Variants in XKR4 observed in about 807,000 individuals in gnomAD.
The protein encoded by XKR4 is XK related 4.
A neutral mutation model predicts 53.9 loss-of-function variants in XKR4; 12 were observed. That is an observed-to-expected ratio of 0.22 (90% CI 0.14 to 0.36). The LOEUF is 0.36. XKR4 is among the 10% of genes least tolerant of loss of function. XKR4 has a pLI of 1.00. For synonymous variants in XKR4, 354 were observed against 362.4 expected, an observed-to-expected ratio of 0.98 and a Z score of 0.26; for missense variants, 799 against 859.5, an observed-to-expected ratio of 0.93 and a Z score of 0.88.
At chr8:55,460,362 G>A (rs561933906) in intron 2 of XKR4, among the ~76,000 whole-genome samples, 2 of 152,282 alleles carry the variant, frequency 1.3e-5, no homozygotes, top group South Asian at 4.1e-4. Flanking sequence ...TTGTGCCACT[G>A]AATAAATTTG....
At position 55,209,898 on chromosome 8, in the gene XKR4, C is replaced by T. The variant is rs905319996; in HGVS notation, c.806+106604C>T. Reference sequence around the variant, plus strand: ...TCTGATTTTGAACGTATATTTTTTCCTCTAGACATGAGTCCAAGTATTTGG... The same window carrying T: ...TCTGATTTTGAACGTATATTTTTTCTTCTAGACATGAGTCCAAGTATTTGG... On this transcript the variant is annotated intron_variant, in intron 1 of 2. Coordinates refer to ENST00000327381, the MANE Select transcript of XKR4 (RefSeq NM_052898.2). 4.6e-5 allele frequency among the ~76,000 whole-genome samples: 7 copies of T among 152,112 alleles called. No individual in the cohort carries two copies. The South Asian group carries it at 6.2e-4, about 14-fold the overall frequency.
At chr8:55,475,759 C>T (rs974639437) in intron 2 of XKR4, among the ~76,000 whole-genome samples, 1 of 151,898 alleles carries the variant, frequency 6.6e-6, no homozygotes, top group Non-Finnish European at 1.5e-5. Flanking sequence ...CACACCACCA[C>T]GCCCAGCTAA....
At chr8:55,460,504 G>C (rs973847974) in intron 2 of XKR4, among the ~76,000 whole-genome samples, 1 of 152,212 alleles carries the variant, frequency 6.6e-6, no homozygotes, top group Non-Finnish European at 1.5e-5. Flanking sequence ...GGAGGGTGGA[G>C]CCAAGATGGC....
chr8:55,501,423 T>G (rs1443078125), intron 2 of XKR4, among the ~76,000 whole-genome samples: 2 of 152,182 alleles, frequency 1.3e-5, no homozygotes, highest in Admixed American at 1.3e-4. Context: ...CTTCCCAAAC[T>G]GAAATTCTGT....
At chr8:55,424,946 A>C (rs1241336807) in intron 2 of XKR4, among the ~76,000 whole-genome samples, 2 of 152,242 alleles carry the variant, frequency 1.3e-5, no homozygotes, top group Admixed American at 6.5e-5. Flanking sequence ...GGTTTAAAAA[A>C]ATGGCATACT....
rs74531702 is a variant in XKR4 at position 55,224,363 on chromosome 8, C to A, written c.806+121069C>A. Among the ~76,000 whole-genome samples the A allele has an allele frequency of 7.9e-3, 1,198 of 152,214 alleles. 36 individuals carry two copies. The highest frequency in any genetic ancestry group is 0.042 in the East Asian group (215 of 5,180). ...GTGTCTTGAAAGGAAGTTTACCTTT[C>A]ATTGAAGCAATTTTAGAATTTGCAA... On this transcript the variant is annotated intron_variant, in intron 1 of 2. Transcript: ENST00000327381.
At chr8:55,153,091 C>A (rs1837511495) in intron 1 of XKR4, among the ~76,000 whole-genome samples, 1 of 152,142 alleles carries the variant, frequency 6.6e-6, no homozygotes, top group Non-Finnish European at 1.5e-5. Context: ...CTGGGTTGAC[C>A]TTAGTGTGCT....
At chr8:55,184,802 G>C (rs1002368818) in intron 1 of XKR4, among the ~76,000 whole-genome samples, 49 of 152,038 alleles carry the variant, frequency 3.2e-4, no homozygotes, top group African/African-American at 1.2e-3. Flanking sequence ...CAGGATGTCT[G>C]TTGTGTTTAG....
intron 2 of XKR4, among the ~76,000 whole-genome samples, chr8:55,480,752 C>A (rs1416167116): frequency 7.9e-6 from 1 of 127,240 alleles, no homozygotes; most frequent in East Asian, 2.0e-4. Flanking sequence ...TTCTTATACA[C>A]CAAAAACAGA....
At chr8:55,409,851 T>G (rs1804749439) in intron 2 of XKR4, among the ~76,000 whole-genome samples, 1 of 152,240 alleles carries the variant, frequency 6.6e-6, no homozygotes, top group Admixed American at 6.5e-5. Context: ...AAGGAAATTC[T>G]GATTGCTGAG....
intron 1 of XKR4, among the ~76,000 whole-genome samples, chr8:55,294,595 G>A (rs1162325125): frequency 1.3e-5 from 2 of 152,180 alleles, no homozygotes; most frequent in Admixed American, 6.5e-5. Context: ...ATCAAGAGGG[G>A]CAATTAACTG....
chr8:55,196,388 G>A (rs781005840), intron 1 of XKR4, among the ~76,000 whole-genome samples: 5 of 151,978 alleles, frequency 3.3e-5, no homozygotes, highest in African/African-American at 7.2e-5. Flanking sequence ...TCTCCATGTC[G>A]GTCAGGCTGG....
intron 1 of XKR4, among the ~76,000 whole-genome samples, chr8:55,176,574 G>A (rs1459799577): frequency 1.5e-4 from 23 of 152,144 alleles, no homozygotes; most frequent in Non-Finnish European, 3.2e-4. Context: ...ATTTATAGTA[G>A]GCACCAGACA....
chr8:55,349,409 A>G (rs1397354002), intron 1 of XKR4, among the ~76,000 whole-genome samples: 1 of 152,208 alleles, frequency 6.6e-6, no homozygotes, highest in Admixed American at 6.5e-5. Context: ...GTATTGGGAT[A>G]TCGGGGACCT....
intron 1 of XKR4, among the ~76,000 whole-genome samples, chr8:55,346,624 C>T (rs1803645882): frequency 6.6e-6 from 1 of 151,376 alleles, no homozygotes; most frequent in Non-Finnish European, 1.5e-5. Flanking sequence ...GCTTACCCAT[C>T]TTAGGATGAC....
At chr8:55,331,504 C>T (rs1348343541) in intron 1 of XKR4, among the ~76,000 whole-genome samples, 2 of 151,830 alleles carry the variant, frequency 1.3e-5, no homozygotes, top group East Asian at 3.9e-4. Flanking sequence ...TTTCCTTGTT[C>T]ATCTTTTTTT....
At chr8:55,443,837 C>T (rs1330900891) in intron 2 of XKR4, among the ~76,000 whole-genome samples, 1 of 58,918 alleles carries the variant, frequency 1.7e-5, no homozygotes, top group Non-Finnish European at 2.8e-5. Context: ...AAAACTCCGT[C>T]TCAAAAAAAA....
chr8:55,381,866 G>T (rs1205380772), intron 2 of XKR4, among the ~76,000 whole-genome samples: 1 of 152,162 alleles, frequency 6.6e-6, no homozygotes, highest in African/African-American at 2.4e-5. Flanking sequence ...CCCACACATG[G>T]AATGTGTATT....
chr8:55,476,696 T>C (rs1379180134), intron 2 of XKR4, among the ~76,000 whole-genome samples: 2 of 152,060 alleles, frequency 1.3e-5, no homozygotes, highest in Non-Finnish European at 2.9e-5. Context: ...CCCACCCTAA[T>C]ACTGCGCTTT....
Sources: gnomAD v4.1 joint callset for allele counts (sites outside exome capture counted in the v4.1 genomes callset) on GRCh38, gnomAD v4.1.1 for gene constraint, MANE v1.5 for transcripts, NCBI Gene and HGNC (gene_info 2026-07-23, HGNC 2026-07-21) for gene names.